SOX5: variants seen among roughly 807,000 people sequenced by gnomAD.
SOX5 encodes the protein SRY-box transcription factor 5, also known as transcription factor SOX-5.
SOX5 carries 9 observed loss-of-function variants against 92.0 expected under a neutral mutation model. That is an observed-to-expected ratio of 0.10 (90% CI 0.06 to 0.17). The LOEUF (loss-of-function observed/expected upper bound fraction) is 0.17. Ranked by LOEUF, SOX5 falls within the 10% of genes least tolerant of loss-of-function variation. The pLI, the probability that SOX5 is intolerant of heterozygous loss-of-function variation, is 1.00. For missense variants in SOX5, 642 were observed against 944.5 expected, an observed-to-expected ratio of 0.68 and a Z score of 4.20; for synonymous variants, 344 against 336.3, an observed-to-expected ratio of 1.02 and a Z score of -0.25.
chr12:24,364,360 A>G (rs1415996080), intron 2 of SOX5, among the ~76,000 whole-genome samples: 4 of 151,816 alleles, frequency 2.6e-5, no homozygotes, highest in African/African-American at 7.3e-5. Flanking sequence ...TAAGAAAAAT[A>G]TGGTTTGGAT....
intron 4 of SOX5, among the ~76,000 whole-genome samples, chr12:24,055,265 C>T (rs2137184453): frequency 6.6e-6 from 1 of 152,248 alleles, no homozygotes; most frequent in Admixed American, 6.5e-5. Flanking sequence ...GGAAGAGGGA[C>T]CTACTGATTC....
At chr12:23,901,139 A>T (rs2097227339) in intron 1 of SOX5, among the ~76,000 whole-genome samples, 1 of 152,190 alleles carries the variant, frequency 6.6e-6, no homozygotes, top group Admixed American at 6.5e-5. Flanking sequence ...AGAAATCATA[A>T]ACACCCTTAT....
At chr12:23,582,554 C>T (rs569861928) in intron 9 of SOX5, among the ~76,000 whole-genome samples, 14 of 152,196 alleles carry the variant, frequency 9.2e-5, no homozygotes, top group Admixed American at 2.6e-4. Flanking sequence ...CTTGAAACCC[C>T]TTTTCATGAT....
intron 4 of SOX5, among the ~76,000 whole-genome samples, chr12:23,970,864 G>T (rs1244646267): frequency 5.5e-5 from 1 of 18,216 alleles, no homozygotes; most frequent in East Asian, 5.0e-3. Context: ...TTTAAGAAAT[G>T]GGCTTGATTC....
chr12:23,944,780 T>A lies in SOX5; in HGVS notation c.38+4784A>T, dbSNP rs1944271279. Among the ~76,000 whole-genome samples the A allele has an allele frequency of 5.3e-5, 8 of 152,234 alleles. No individual in the cohort carries two copies. The South Asian group carries it at 1.7e-3, about 32-fold the overall frequency. On this transcript the variant is annotated intron_variant, in intron 1 of 14. Transcript: ENST00000451604. ...TGTCCATTTCTTGTTCAAGAAAATT[T>A]TTCATTAGGAAGGAGATATTTCATG... is the stretch of plus-strand genomic sequence containing the variant.
chr12:23,818,734 A>G (rs1397810115), intron 3 of SOX5, among the ~76,000 whole-genome samples: 1 of 152,214 alleles, frequency 6.6e-6, no homozygotes, highest in Non-Finnish European at 1.5e-5. Context: ...TAGCTATACA[A>G]AAACATATTA....
intron 3 of SOX5, among the ~76,000 whole-genome samples, chr12:24,245,275 G>A (rs1938452070): frequency 7.0e-6 from 1 of 141,938 alleles, no homozygotes; most frequent in African/African-American, 2.6e-5. Context: ...GTGTGTGTGT[G>A]CCTTCTACTT....
At chr12:24,447,015 T>C (rs949972001) in intron 1 of SOX5, among the ~76,000 whole-genome samples, 3 of 152,194 alleles carry the variant, frequency 2.0e-5, no homozygotes, top group Non-Finnish European at 4.4e-5. Flanking sequence ...GAGTCCATAT[T>C]GATAGAAATT....
intron 4 of SOX5, among the ~76,000 whole-genome samples, chr12:24,175,418 A>G (rs955137438): frequency 1.3e-5 from 2 of 152,218 alleles, no homozygotes; most frequent in Admixed American, 1.3e-4. Context: ...TACTCTCAGA[A>G]GCTCTGTTTC....
At chr12:23,844,668 G>A (rs1594978782) in intron 3 of SOX5, among the ~76,000 whole-genome samples, 1 of 152,128 alleles carries the variant, frequency 6.6e-6, no homozygotes, top group African/African-American at 2.4e-5. Flanking sequence ...CTCAGTTACT[G>A]AAGCAGTATA....
intron 3 of SOX5, among the ~76,000 whole-genome samples, chr12:23,795,981 T>C (rs1334714236): frequency 6.6e-6 from 1 of 152,144 alleles, no homozygotes; most frequent in Non-Finnish European, 1.5e-5. Flanking sequence ...ACGGGTGTAA[T>C]TTAAGAGTCT....
chr12:24,451,973 T>C (rs1215430808), intron 1 of SOX5, among the ~76,000 whole-genome samples: 1 of 152,218 alleles, frequency 6.6e-6, no homozygotes, highest in Non-Finnish European at 1.5e-5. Context: ...GCAGATATCA[T>C]ACAAAGAGAC....
intron 1 of SOX5, among the ~76,000 whole-genome samples, chr12:24,398,274 C>T (rs956311023): frequency 3.3e-5 from 5 of 152,288 alleles, no homozygotes; most frequent in East Asian, 1.9e-4. Flanking sequence ...AAGGCCAAGG[C>T]GAGAGTATCA....
intron 2 of SOX5, among the ~76,000 whole-genome samples, chr12:24,302,547 A>G (rs1449853167): frequency 6.6e-6 from 1 of 151,422 alleles, no homozygotes; most frequent in Non-Finnish European, 1.5e-5. Context: ...GGATGGATCT[A>G]TGAGTTTTGA....
intron 1 of SOX5, among the ~76,000 whole-genome samples, chr12:24,480,722 C>T (rs1258989089): frequency 6.6e-6 from 1 of 151,712 alleles, no homozygotes; most frequent in African/African-American, 2.4e-5. Context: ...TCATCTTACC[C>T]CAGTTAAAAT....
intron 1 of SOX5, among the ~76,000 whole-genome samples, chr12:24,523,115 A>G (rs923863121): frequency 3.3e-5 from 5 of 152,166 alleles, no homozygotes; most frequent in African/African-American, 9.6e-5. Context: ...TCTATACACC[A>G]ACAATAAACT....
chr12:24,408,483 A>G lies in SOX5; in HGVS notation c.-250-39844T>C, dbSNP rs74068305. Among the ~76,000 whole-genome samples, 381 of 152,222 alleles carry G rather than the reference A, an allele frequency of 2.5e-3. 2 individuals carry two copies. The highest frequency in any genetic ancestry group is 8.9e-3 in the African/African-American group (369 of 41,546). On this transcript the variant is annotated intron_variant, in intron 1 of 4. Coordinates refer to the SOX5 transcript ENST00000446891. Reference sequence around the variant, plus strand: ...CATTGACAGAGTCAAGATACAGAACATTTCCAACACCACAAAAATCCCTCA... The same window carrying G: ...CATTGACAGAGTCAAGATACAGAACGTTTCCAACACCACAAAAATCCCTCA...
chr12:24,121,800 C>G (rs533289398), intron 4 of SOX5, among the ~76,000 whole-genome samples: 2 of 143,902 alleles, frequency 1.4e-5, no homozygotes, highest in Non-Finnish European at 3.0e-5. Flanking sequence ...GCAGGAGAAT[C>G]GCTTGAACCT....
At chr12:24,180,078 G>C (rs1955309649) in intron 4 of SOX5, among the ~76,000 whole-genome samples, 2 of 151,972 alleles carry the variant, frequency 1.3e-5, no homozygotes, top group Admixed American at 6.6e-5. Flanking sequence ...CCAAGTAGCT[G>C]GGATTATAGG....
Sources: allele counts gnomAD v4.1 joint callset (sites outside exome capture counted in the v4.1 genomes callset), GRCh38; gene constraint gnomAD v4.1.1; transcripts MANE v1.5; gene names NCBI Gene and HGNC (gene_info 2026-07-23, HGNC 2026-07-21).